The following CSNK1G3 variants were observed in gnomAD, a reference collection of about 807,000 sequenced individuals.
CSNK1G3 encodes casein kinase 1 gamma 3.
Under a neutral mutation model 64.3 loss-of-function variants are expected in CSNK1G3, and 23 were observed. The ratio of observed to expected loss-of-function variants is 0.36; its 90% CI spans 0.26 to 0.51. The LOEUF is 0.51. Ranked by LOEUF, CSNK1G3 falls within the 20% of genes least tolerant of loss-of-function variation. The pLI is 0.96. For synonymous variants in CSNK1G3, 158 were observed against 162.2 expected (o/e 0.97, Z 0.20); for missense variants, 357 against 510.5 (o/e 0.70, Z 2.90).
At chr5:123,574,270 G>C (rs1788724383) in intron 5 of CSNK1G3, among the ~76,000 whole-genome samples, 1 of 152,192 alleles carries the variant, frequency 6.6e-6, no homozygotes, top group Admixed American at 6.5e-5. Context: ...AACAATTAGA[G>C]AGTGATTTTA....
At chr5:123,567,531 G>C (rs150183352) in intron 4 of CSNK1G3, among the ~76,000 whole-genome samples, 1 of 152,096 alleles carries the variant, frequency 6.6e-6, no homozygotes, top group Non-Finnish European at 1.5e-5. Context: ...CACTTGAACC[G>C]TGAAGTGGAG....
At chr5:123,535,431 G>T (rs901309849) in intron 1 of CSNK1G3, among the ~76,000 whole-genome samples, 8 of 151,992 alleles carry the variant, frequency 5.3e-5, no homozygotes, top group Non-Finnish European at 8.8e-5. Context: ...ATGACTCCTG[G>T]TATAGAGAAA....
Position 123,550,585 on chromosome 5 carries a change from A to G in CSNK1G3, c.179-2522A>G, listed in dbSNP as rs1360088324. ...CATATATGTGTAGTTTTTGAAGAACATAGTTTTTGATAATTACCACCCCAA... is the reference window on the plus strand; with the variant it reads ...CATATATGTGTAGTTTTTGAAGAACGTAGTTTTTGATAATTACCACCCCAA... On this transcript the variant is annotated intron_variant, in intron 2 of 12. Coordinates refer to ENST00000345990, the Ensembl canonical transcript of CSNK1G3. Among the ~76,000 whole-genome samples the G allele has an allele frequency of 3.3e-5, 5 of 152,348 alleles. No homozygotes were observed. In the South Asian group the frequency reaches 1.0e-3, roughly 32 times the overall value.
At chr5:123,588,589 AT>A in intron 8 of CSNK1G3, 78 bp downstream of exon 8, 3 of 898,666 alleles carry the variant, frequency 3.3e-6, no homozygotes, top group East Asian at 5.2e-5. Context: ...GTTTATACAT[AT>A]TTTTTTCTAT....
At chr5:123,514,395 C>G (rs1488077098) in intron 1 of CSNK1G3, among the ~76,000 whole-genome samples, 1 of 152,050 alleles carries the variant, frequency 6.6e-6, no homozygotes, top group Non-Finnish European at 1.5e-5. Flanking sequence ...TTATTACTTC[C>G]TTGAAAATAA....
At chr5:123,550,326 C>T (rs181467723) in intron 2 of CSNK1G3, among the ~76,000 whole-genome samples, 74 of 152,272 alleles carry the variant, frequency 4.9e-4, no homozygotes, top group African/African-American at 1.7e-3. Flanking sequence ...CTGTTTCCAT[C>T]TCCCAGCCAG....
chr5:123,581,971 G>A (rs1016206277), intron 6 of CSNK1G3, among the ~76,000 whole-genome samples: 47 of 151,872 alleles, frequency 3.1e-4, no homozygotes, highest in Non-Finnish European at 4.4e-5. Context: ...GCTTTGCTTA[G>A]CCAACATGTC....
At chr5:123,552,992 C>T (rs1475958714) in intron 2 of CSNK1G3, 115 bp from the exon 3 acceptor site, 3 of 534,794 alleles carry the variant, frequency 5.6e-6, no homozygotes, top group Non-Finnish European at 6.6e-6. Flanking sequence ...CAAATAGAAG[C>T]AAAAACCTAT....
chr5:123,554,719 A>G (rs115952953), intron 3 of CSNK1G3, among the ~76,000 whole-genome samples: 1,801 of 152,314 alleles, frequency 0.012, 42 homozygotes, highest in African/African-American at 0.04. Context: ...ACCTACAACA[A>G]TCTTTGTGGT....
intron 2 of CSNK1G3, among the ~76,000 whole-genome samples, chr5:123,549,066 C>A (rs1052546590): frequency 7.2e-5 from 11 of 152,158 alleles, no homozygotes; most frequent in Non-Finnish European, 1.5e-4. Context: ...CTATTGAATG[C>A]ATGTTGTTTT....
chr5:123,539,813 T>A (rs1781406040), intron 1 of CSNK1G3, among the ~76,000 whole-genome samples: 1 of 152,164 alleles, frequency 6.6e-6, no homozygotes, highest in African/African-American at 2.4e-5. Flanking sequence ...TTTAATAGAT[T>A]AAGTTTTAAA....
intron 2 of CSNK1G3, 22 bp downstream of exon 2, chr5:123,545,863 C>T: frequency 6.3e-7 from 1 of 1,575,574 alleles, no homozygotes. Flanking sequence ...TTGTTTATTC[C>T]ATTATGTTAG....
chr5:123,606,585 C>T (rs899145755), intron 12 of CSNK1G3, among the ~76,000 whole-genome samples: 4 of 152,130 alleles, frequency 2.6e-5, no homozygotes, highest in African/African-American at 9.7e-5. Context: ...TTGTCTGGCA[C>T]ACGGCAGGTA....
chr5:123,533,200 A>T (rs1780220193), intron 1 of CSNK1G3, among the ~76,000 whole-genome samples: 1 of 151,842 alleles, frequency 6.6e-6, no homozygotes, highest in Non-Finnish European at 1.5e-5. Context: ...CAGGATGTGG[A>T]TATTCTTGCC....
chr5:123,600,698 G>T (rs113103320), intron 10 of CSNK1G3, among the ~76,000 whole-genome samples: 2 of 151,560 alleles, frequency 1.3e-5, no homozygotes, highest in Non-Finnish European at 2.9e-5. Context: ...ATTATATTTG[G>T]AAAGTACATT....
At chr5:123,547,079 A>G (rs1035885578) in intron 2 of CSNK1G3, among the ~76,000 whole-genome samples, 2 of 152,152 alleles carry the variant, frequency 1.3e-5, no homozygotes, top group Non-Finnish European at 2.9e-5. Context: ...TATTGTGTAT[A>G]ATTCTCACCA....
chr5:123,590,626 A>T, intron 9 of CSNK1G3, 68 bp downstream of exon 9: 1 of 957,530 alleles, frequency 1.0e-6, no homozygotes, highest in Non-Finnish European at 1.5e-6. Context: ...CAATATCTTC[A>T]ATTGAAAAGA....
At chr5:123,559,282 A>C (rs1008889985) in intron 4 of CSNK1G3, among the ~76,000 whole-genome samples, 4 of 152,124 alleles carry the variant, frequency 2.6e-5, no homozygotes, top group African/African-American at 9.7e-5. Context: ...TATCTAGTAC[A>C]GTAATAAAAC....
intron 3 of CSNK1G3, among the ~76,000 whole-genome samples, chr5:123,554,876 A>G (rs748775201): frequency 6.6e-5 from 10 of 152,234 alleles, no homozygotes; most frequent in Non-Finnish European, 1.3e-4. Flanking sequence ...GTGTCAAAGC[A>G]GAAACCCCTG....
Sources: gnomAD v4.1 joint callset for allele counts (sites outside exome capture counted in the v4.1 genomes callset) on GRCh38, gnomAD v4.1.1 for gene constraint, MANE v1.5 for transcripts, NCBI Gene and HGNC (gene_info 2026-07-23, HGNC 2026-07-21) for gene names.